Variants in GCC2 observed in about 807,000 individuals in gnomAD.
GCC2 encodes GRIP and coiled-coil domain-containing protein 2.
Under a neutral mutation model 210.6 loss-of-function variants are expected in GCC2, and 120 were observed. That is an observed-to-expected ratio of 0.57 (90% CI 0.49 to 0.66). The LOEUF (loss-of-function observed/expected upper bound fraction) is 0.66, where lower values mean the gene tolerates loss of function less well. GCC2 is among the 30% of genes least tolerant of loss of function. The pLI is 0.00. For missense variants in GCC2, 1,868 were observed against 1,871.9 expected (o/e 1.00, Z 0.04); for synonymous variants, 703 against 652.7 (o/e 1.08, Z -1.17).
chr2:108,449,411 C>T (rs1317298656), intron 1 of GCC2, 131 bp downstream of exon 1: 1 of 1,432,456 alleles, frequency 7.0e-7, no homozygotes, highest in Non-Finnish European at 9.3e-7. Context: ...CTGTCGCCTC[C>T]CCATCTTTCG....
intron 9 of GCC2, among the ~76,000 whole-genome samples, chr2:108,476,961 C>T (rs1343712645): frequency 1.3e-5 from 2 of 151,988 alleles, no homozygotes; most frequent in Non-Finnish European, 2.9e-5. Flanking sequence ...TCTTAGGAAG[C>T]ACTTAAATGA....
chr2:108,478,763 TGAA>T (rs1026766525), intron 9 of GCC2, among the ~76,000 whole-genome samples: 8 of 152,276 alleles, frequency 5.3e-5, no homozygotes, highest in African/African-American at 1.4e-4. Flanking sequence ...TGAGTAAAAA[TGAA>T]GAAGGCCAGA....
chr2:108,456,314 A>G (rs1680277110), intron 4 of GCC2, among the ~76,000 whole-genome samples: 1 of 152,152 alleles, frequency 6.6e-6, no homozygotes, highest in Non-Finnish European at 1.5e-5. Flanking sequence ...TTGTATAGTG[A>G]CTATGCTTAC....
chr2:108,493,826 A>G, intron 19 of GCC2: 24 of 985,446 alleles, frequency 2.4e-5, no homozygotes, highest in Non-Finnish European at 2.9e-5. Context: ...GTCGCACAAG[A>G]GATTGTAATC....
intron 4 of GCC2, among the ~76,000 whole-genome samples, chr2:108,457,502 T>C (rs1047498020): frequency 6.6e-6 from 1 of 152,192 alleles, no homozygotes; most frequent in Non-Finnish European, 1.5e-5. Context: ...ACATTAGGAT[T>C]CTTTTTTCTG....
At chr2:108,461,248 G>T (rs2577623) in intron 4 of GCC2, among the ~76,000 whole-genome samples, 28,791 of 151,354 alleles carry the variant, frequency 0.19, 3,081 homozygotes, top group African/African-American at 0.27. Flanking sequence ...TAAGTCTGAT[G>T]GGGGTTCCTT....
intron 5 of GCC2, chr2:108,469,351 A>C: frequency 2.3e-6 from 1 of 425,692 alleles, no homozygotes; most frequent in East Asian, 3.7e-5. Context: ...ATTTTCACAC[A>C]TGACTAAATA....
chr2:108,478,159 A>C (rs1289227454), intron 9 of GCC2, among the ~76,000 whole-genome samples: 2 of 152,180 alleles, frequency 1.3e-5, no homozygotes, highest in South Asian at 2.1e-4. Context: ...ACTTGCTCTT[A>C]TGAAGAAGCC....
At chr2:108,504,693 C>T (rs1482641886) in intron 22 of GCC2, among the ~76,000 whole-genome samples, 1 of 152,112 alleles carries the variant, frequency 6.6e-6, no homozygotes, top group Non-Finnish European at 1.5e-5. Context: ...ATAAGTTAGC[C>T]ATATAGTACT....
intron 4 of GCC2, among the ~76,000 whole-genome samples, chr2:108,464,762 G>A (rs979699944): frequency 1.3e-5 from 2 of 152,124 alleles, no homozygotes; most frequent in African/African-American, 4.8e-5. Context: ...AGGGAGGGAG[G>A]GAGACGGGAG....
At chr2:108,452,578 G>A (rs1680003114) in intron 4 of GCC2, 112 bp downstream of exon 4, 2 of 710,200 alleles carry the variant, frequency 2.8e-6, no homozygotes, top group East Asian at 2.5e-5. Flanking sequence ...CTCTGCCTTG[G>A]TTGTTTTTAC....
chr2:108,461,737 C>T (rs1387696532), intron 4 of GCC2, among the ~76,000 whole-genome samples: 9 of 151,604 alleles, frequency 5.9e-5, no homozygotes. Context: ...CTCAGGACCT[C>T]AGGTGATCCA....
chr2:108,475,821 G>A lies in GCC2; in HGVS notation c.3031G>A (p.Asp1011Asn). Residue 1011 changes from aspartate (D) to asparagine (N), a missense_variant, in exon 9 of 23, where the codon GAT becomes AAT. By Grantham distance (23) the Asp-to-Asn change is conservative. Coordinates refer to ENST00000309863, the MANE Select transcript of GCC2 (RefSeq NM_181453.4). Reference sequence around the variant, plus strand: ...GGACCAGTTATCTGCTTCCATGAGAGATCTCATTCAAGGAGCAGAAAGCTA... The same window carrying A: ...GGACCAGTTATCTGCTTCCATGAGAAATCTCATTCAAGGAGCAGAAAGCTA... ...EKDQLSASMR[D>N]LIQGAESYKN... is the part of the protein sequence containing the mutation. 2 of 1,592,444 alleles carry A rather than the reference G, an allele frequency of 1.3e-6. No homozygotes were observed. Among genetic ancestry groups the A allele is most frequent in the Non-Finnish European group, 1.7e-6 (2 of 1,168,372 alleles).
In GCC2 at chr2:108,486,587, G is replaced by C; in HGVS notation, c.3869G>C (p.Arg1290Pro). 6.2e-7 allele frequency: 1 copy of C among 1,613,722 alleles called. No individual in the cohort carries two copies. Among genetic ancestry groups the C allele is most frequent in the Non-Finnish European group, 8.5e-7 (1 of 1,179,644 alleles). Residue 1290 changes from arginine (R) to proline (P), a missense_variant, in exon 16 of 23, where the codon CGT becomes CCT. Around this residue, in one of 3 missense-constraint regions of GCC2, gnomAD observed 1,847 missense variants for 1,765.2 expected, o/e 1.05. Coordinates refer to ENST00000309863, the MANE Select transcript of GCC2 (RefSeq NM_181453.4). Reference sequence around the variant, plus strand: ...AAAACCTCTGCGGAACAGCACCAGCGTACGCTAAGTGCATACCAGCAGAGA... The same window carrying C: ...AAAACCTCTGCGGAACAGCACCAGCCTACGCTAAGTGCATACCAGCAGAGA... ...HLKTSAEQHQ[R>P]TLSAYQQRVT...
At chr2:108,459,044 C>T (rs1056757913) in intron 4 of GCC2, among the ~76,000 whole-genome samples, 2 of 151,994 alleles carry the variant, frequency 1.3e-5, no homozygotes, top group African/African-American at 4.8e-5. Context: ...TGGATGTAGG[C>T]GTTTATTGCC....
intron 9 of GCC2, among the ~76,000 whole-genome samples, chr2:108,479,965 A>C (rs1201747719): frequency 5.7e-5 from 8 of 139,568 alleles, no homozygotes; most frequent in African/African-American, 2.2e-4. Context: ...CTGGCGACAG[A>C]GCGAGACTCC....
chr2:108,500,658 G>C (rs2378150), intron 22 of GCC2, among the ~76,000 whole-genome samples: 58,368 of 152,094 alleles, frequency 0.38, 12,715 homozygotes, highest in East Asian at 0.89. Flanking sequence ...TGCATCTTAA[G>C]AATTATGGTT....
chr2:108,453,824 A>T (rs908487759), intron 4 of GCC2, among the ~76,000 whole-genome samples: 1 of 150,326 alleles, frequency 6.7e-6, no homozygotes, highest in East Asian at 2.0e-4. Context: ...TGAGTTGCTT[A>T]TTCTTATTTC....
At position 108,485,811 on chromosome 2, in the gene GCC2, C is replaced by G. The variant is rs773697593; in HGVS notation, c.3715-20C>G. ...ATGAGTAACATTAAAAAAAATTTAA[C>G]CAAGATTCTCATTCTATAGGAAACT... On this transcript the variant is annotated intron_variant, in intron 14 of 22. Coordinates refer to ENST00000309863, the MANE Select transcript of GCC2 (RefSeq NM_181453.4). 1 of 1,515,146 alleles carries G rather than the reference C, an allele frequency of 6.6e-7. No homozygotes were observed. The highest frequency in any genetic ancestry group is 9.0e-7 in the Non-Finnish European group (1 of 1,113,936). The allele number at this position is 1,515,146 out of a possible 1,614,324, so 93.9% of individuals were successfully genotyped here.
Sources: allele counts gnomAD v4.1 joint callset (sites outside exome capture counted in the v4.1 genomes callset), GRCh38; gene constraint gnomAD v4.1.1; regional missense constraint gnomAD v4.1.1; transcripts MANE v1.5; gene names NCBI Gene and HGNC (gene_info 2026-07-23, HGNC 2026-07-21).